Variants in RIMBP2 observed in about 807,000 individuals in gnomAD.
RIMBP2 encodes RIMS binding protein 2.
RIMBP2 carries 48 observed loss-of-function variants against 118.6 expected under a neutral mutation model. The observed-to-expected ratio is 0.40, with a 90% CI of 0.32 to 0.51. The LOEUF (loss-of-function observed/expected upper bound fraction) is 0.51, where lower values mean the gene tolerates loss of function less well. Among genes scored for constraint, RIMBP2 ranks in the 20% least tolerant of loss-of-function variants. The probability of loss-of-function intolerance (pLI) is 0.41; values close to 1 mark genes in which losing one functional copy is unlikely to be tolerated. For synonymous variants in RIMBP2, 762 were observed against 742.9 expected, an observed-to-expected ratio of 1.03 and a Z score of -0.42; for missense variants, 1,551 against 1,768.3, an observed-to-expected ratio of 0.88 and a Z score of 2.20.
chr12:130,644,867 G>C (rs974842713), intron 1 of RIMBP2, among the ~76,000 whole-genome samples: 1 of 152,202 alleles, frequency 6.6e-6, no homozygotes, highest in African/African-American at 2.4e-5. Flanking sequence ...CTGACTTCAA[G>C]GGCTGTGGCC....
At chr12:130,486,541 C>T (rs1049926387) in intron 4 of RIMBP2, among the ~76,000 whole-genome samples, 3 of 148,162 alleles carry the variant, frequency 2.0e-5, no homozygotes, top group Admixed American at 1.3e-4. Flanking sequence ...TCAAATTTAG[C>T]CTGTCCGAAA....
rs541411852 is a variant in RIMBP2 at position 130,683,287 on chromosome 12, C to T, written c.-352+32935G>A. On this transcript the variant is annotated intron_variant, in intron 1 of 22. Coordinates refer to ENST00000690449, the MANE Select transcript of RIMBP2 (RefSeq NM_001393629.1). This position sits in a 1 kb window ranked among gnomAD's most constrained non-coding sequence, Gnocchi z 4.4. ...GCCACAAGCCCAAGGATGCCAAGGA[C>T]AGCCGGGGAACGCAGGGAGCCAGGC... Among the ~76,000 whole-genome samples the T allele has an allele frequency of 6.6e-6, 1 of 152,290 alleles. No individual in the cohort carries two copies. The highest frequency in any genetic ancestry group is 2.1e-4 in the South Asian group (1 of 4,828).
At chr12:130,643,477 A>T (rs2062713868) in intron 1 of RIMBP2, among the ~76,000 whole-genome samples, 2 of 152,102 alleles carry the variant, frequency 1.3e-5, no homozygotes, top group African/African-American at 2.4e-5. Flanking sequence ...CAGGCACCCC[A>T]TGGGACTGGG....
At chr12:130,432,792 C>T (rs1258401206) in intron 14 of RIMBP2, among the ~76,000 whole-genome samples, 1 of 152,150 alleles carries the variant, frequency 6.6e-6, no homozygotes, top group African/African-American at 2.4e-5. Context: ...TTGTTTGAGC[C>T]ACCTGATCTA....
intron 4 of RIMBP2, among the ~76,000 whole-genome samples, chr12:130,490,416 A>G (rs1264471194): frequency 3.9e-5 from 6 of 152,176 alleles, no homozygotes; most frequent in Non-Finnish European, 5.9e-5. Context: ...AAATTTTCCT[A>G]TTAAAAAATA....
At chr12:130,423,061 C>T (rs920827785) in intron 16 of RIMBP2, among the ~76,000 whole-genome samples, 1 of 152,206 alleles carries the variant, frequency 6.6e-6, no homozygotes, top group Non-Finnish European at 1.5e-5. Context: ...CTTCAAAACT[C>T]AACATTCTAC....
At chr12:130,478,853 C>T (rs958540972) in intron 5 of RIMBP2, 59 bp downstream of exon 5, 1 of 1,294,196 alleles carries the variant, frequency 7.7e-7, no homozygotes, top group Non-Finnish European at 1.1e-6. Context: ...CACCAGGGAT[C>T]CCCGGCCCAC....
At chr12:130,562,025 A>G (rs1217364431) in intron 2 of RIMBP2, among the ~76,000 whole-genome samples, 2 of 152,214 alleles carry the variant, frequency 1.3e-5, no homozygotes, top group Non-Finnish European at 2.9e-5. Context: ...TGCAAAAATG[A>G]CATTACCTTT....
In RIMBP2 at chr12:130,445,197, G is replaced by A. The variant is rs753381490; in HGVS notation, c.654C>T (p.Tyr218=). The A allele has an allele frequency of 4.5e-5, 73 of 1,612,918 alleles. No individual in the cohort carries two copies. In the Admixed American group the frequency reaches 9.0e-4, roughly 20 times the overall value. Residue 218 remains tyrosine (Y), a synonymous_variant, in exon 10 of 23, where the codon TAC becomes TAT. Coordinates refer to ENST00000690449, the MANE Select transcript of RIMBP2 (RefSeq NM_001393629.1). ...ELPLTAGKYL[Y]VYGDMDEDGF... ...CATCCTCATCCATGTCTCCATAGAC[G>A]TAGAGGTATTTTCCCGCCGTGAGGG...
In RIMBP2 at chr12:130,396,604, C is replaced by G. The variant is rs1374777233; in HGVS notation, c.*757G>C. 6.6e-6 allele frequency: 1 copy of G among 152,642 alleles called. No homozygotes were observed. 9.5% of individuals were successfully genotyped at this position (152,642 alleles called of 1,614,324 possible). On this transcript the variant is annotated 3_prime_UTR_variant, in exon 23 of 23. Coordinates refer to ENST00000690449, the MANE Select transcript of RIMBP2 (RefSeq NM_001393629.1). ...TATGGCATTTTGACAACGAAAGTAA[C>G]AGAAAACCATATGCCACAGAATAGA...
At chr12:130,699,925 A>AG (rs956092185) in intron 1 of RIMBP2, among the ~76,000 whole-genome samples, 4 of 149,588 alleles carry the variant, frequency 2.7e-5, no homozygotes, top group Non-Finnish European at 5.9e-5. Flanking sequence ...AAAAAAAAAA[A>AG]AAAAGAAATA....
At position 130,561,614 on chromosome 12, in the gene RIMBP2, G is replaced by A. The variant is rs188704908; in HGVS notation, c.-216-43697C>T. Among the ~76,000 whole-genome samples the A allele has an allele frequency of 1.7e-3, 263 of 152,178 alleles. 1 individual carries two copies. The highest frequency in any genetic ancestry group is 5.2e-3 in the South Asian group (25 of 4,814). ...TTCTGGTGAATCACATACAGAATAC[G>A]GATATGTTTAACTCCCAACTGGCCA... On this transcript the variant is annotated intron_variant, in intron 2 of 22. Transcript: ENST00000690449.
chr12:130,424,647 C>T lies in RIMBP2; in HGVS notation c.2624G>A (p.Gly875Asp), dbSNP rs897221087. 62 of 1,231,870 alleles carry T rather than the reference C, an allele frequency of 5.0e-5. No homozygotes were observed. Among genetic ancestry groups the T allele is most frequent in the Non-Finnish European group, 6.3e-5 (62 of 987,892 alleles). 76.3% of individuals were successfully genotyped at this position (1,231,870 alleles called of 1,614,324 possible). Residue 875 changes from glycine to aspartate, a missense_variant, in exon 16 of 23, where the codon GGC becomes GAC. Physicochemically the swap from Gly to Asp is moderately conservative, Grantham distance 94. This residue lies in a region of RIMBP2 where 1,038 missense variants were observed against 1,125.1 expected (regional missense o/e 0.92). Transcript: ENST00000690449. This position sits in a 1 kb window ranked among gnomAD's most constrained non-coding sequence, Gnocchi z 9.8. ...CCAGGAGCCCCGAGGGGCCTCGTCG[C>T]CCCTGTAGGGCCTGCCGGGCCTGGG... ...REPRPGRPYR[G>D]DEAPRGSWFP...
intron 2 of RIMBP2, among the ~76,000 whole-genome samples, chr12:130,616,270 A>C (rs2060928661): frequency 1.4e-5 from 2 of 143,562 alleles, no homozygotes; most frequent in South Asian, 2.3e-4. Context: ...TCCTTTCTGT[A>C]CCCCCATCTG....
At position 130,664,435 on chromosome 12, in the gene RIMBP2, G is replaced by GCA. The variant is rs1362551497; in HGVS notation, c.-351-35981_-351-35980dup. Among the ~76,000 whole-genome samples, 302 of 56,372 alleles carry GCA rather than the reference G, an allele frequency of 5.4e-3. 4 individuals carry two copies. Among genetic ancestry groups the GCA allele is most frequent in the South Asian group, 0.021 (35 of 1,694 alleles). 37.0% of individuals were successfully genotyped at this position (56,372 alleles called of 152,430 possible). ...CGCACACACACGCACACACATGCAT[G>GCA]CACGCACACACGCACACACATGCAC... is the stretch of plus-strand genomic sequence containing the variant. On this transcript the variant is annotated intron_variant, in intron 1 of 22. Coordinates refer to ENST00000690449, the MANE Select transcript of RIMBP2 (RefSeq NM_001393629.1).
chr12:130,640,037 T>C (rs1228753560), intron 1 of RIMBP2, among the ~76,000 whole-genome samples: 2 of 152,186 alleles, frequency 1.3e-5, no homozygotes, highest in Non-Finnish European at 2.9e-5. Context: ...TCAGTTCTAG[T>C]TGGTTTGAAT....
rs756186 is a variant in RIMBP2 at position 130,399,802 on chromosome 12, A to G, written c.3777T>C (p.Asn1259=). 0.33 allele frequency: 534,795 copies of G among 1,613,280 alleles called. 92,164 individuals are homozygous for G. Among genetic ancestry groups the G allele is most frequent in the Non-Finnish European group, 0.36 (424,616 of 1,179,358 alleles). The part of the protein sequence containing the change: ...DEDGFYYGEL[N]GQKGLVPSNF... Reference sequence around the variant, plus strand: ...TTGAGGGCACAAGGCCTTTCTGCCCATTCAGCTCCCCCTAAAACACCAGGG... The same window carrying G: ...TTGAGGGCACAAGGCCTTTCTGCCCGTTCAGCTCCCCCTAAAACACCAGGG... The change falls in exon 22 of 23, where the codon AAT becomes AAC. Residue 1259 remains asparagine (N), a synonymous_variant. Transcript: ENST00000690449.
intron 1 of RIMBP2, among the ~76,000 whole-genome samples, chr12:130,709,422 C>T (rs1462171158): frequency 2.0e-5 from 3 of 152,234 alleles, no homozygotes; most frequent in Non-Finnish European, 4.4e-5. Context: ...GCGTGACGCC[C>T]GACAGCAGAG....
At chr12:130,485,076 GTAGCCCTGTGT>G (rs1285306012) in intron 4 of RIMBP2, among the ~76,000 whole-genome samples, 1 of 145,394 alleles carries the variant, frequency 6.9e-6, no homozygotes, top group African/African-American at 2.5e-5. Flanking sequence ...CTGGACGTGT[GTAGCCCTGTGT>G]GATGTCACTT....
Sources: allele counts gnomAD v4.1 joint callset (sites outside exome capture counted in the v4.1 genomes callset), GRCh38; gene constraint gnomAD v4.1.1; regional missense constraint gnomAD v4.1.1; non-coding constraint Gnocchi (gnomAD v3.1); transcripts MANE v1.5; gene names NCBI Gene and HGNC (gene_info 2026-07-23, HGNC 2026-07-21).